NCOR2: variants seen among roughly 807,000 people sequenced by gnomAD.
NCOR2 encodes the protein CTG repeat protein 26.
A neutral mutation model predicts 262.9 loss-of-function variants in NCOR2; 81 were observed. The ratio of observed to expected loss-of-function variants is 0.31; its 90% confidence interval spans 0.26 to 0.37. NCOR2 has a LOEUF of 0.37. Among genes scored for constraint, NCOR2 ranks in the 10% least tolerant of loss-of-function variants. The pLI is 1.00. For missense variants in NCOR2, 3,385 were observed against 3,621.4 expected, an observed-to-expected ratio of 0.93 and a Z score of 1.68; for synonymous variants, 1,659 against 1,559.3, an observed-to-expected ratio of 1.06 and a Z score of -1.51.
chr12:124,335,403 G>C (rs1392657005), intron 39 of NCOR2, 80 bp downstream of exon 41: 2 of 1,531,268 alleles, frequency 1.3e-6, no homozygotes, highest in African/African-American at 2.7e-5. Flanking sequence ...AGGCACCTCT[G>C]TTTTCCTATC....
chr12:124,351,680 T>A (rs1278897965), intron 27 of NCOR2, among the ~76,000 whole-genome samples: 1 of 152,176 alleles, frequency 6.6e-6, no homozygotes, highest in Admixed American at 6.5e-5. Context: ...GGAAGCAGAA[T>A]GTTGGGTGTC....
chr12:124,422,838 G>A (rs2043298781), intron 11 of NCOR2, among the ~76,000 whole-genome samples: 1 of 152,238 alleles, frequency 6.6e-6, no homozygotes, highest in Admixed American at 6.5e-5. Context: ...CAGGAAAAAT[G>A]AGGACACGAC....
At chr12:124,382,528 G>A (rs1451589021) in intron 17 of NCOR2, among the ~76,000 whole-genome samples, 1 of 152,200 alleles carries the variant, frequency 6.6e-6, no homozygotes, top group East Asian at 1.9e-4. Context: ...AGCTTTGACT[G>A]TGTCATTCGG....
chr12:124,534,163 A>G (rs576072202), intron 1 of NCOR2, among the ~76,000 whole-genome samples: 176 of 152,280 alleles, frequency 1.2e-3, no homozygotes, highest in African/African-American at 4.1e-3. Flanking sequence ...GGAACAGTAC[A>G]AATGTGGTAT....
exon 47 of NCOR2, chr12:124,324,554 G>A (rs1259736042): frequency 2.0e-5 from 3 of 152,316 alleles, no homozygotes; most frequent in African/African-American, 7.2e-5. Context: ...AGCGGGGCGT[G>A]AGCCAGCAGT....
At chr12:124,327,660 C>CA (rs1345405583) in intron 44 of NCOR2, 27 bp from the exon 47 acceptor site, 2 of 1,562,826 alleles carry the variant, frequency 1.3e-6, no homozygotes, top group Non-Finnish European at 1.7e-6. Flanking sequence ...GACAGACAGA[C>CA]AGACACATGG....
chr12:124,462,072 A>T (rs921839887), intron 5 of NCOR2, among the ~76,000 whole-genome samples: 1 of 152,068 alleles, frequency 6.6e-6, no homozygotes, highest in Admixed American at 6.5e-5. Flanking sequence ...GCTGACTCTT[A>T]CTCTAAGTAT....
At chr12:124,342,842 A>G (rs1049851876) in intron 33 of NCOR2, among the ~76,000 whole-genome samples, 163 bp downstream of exon 35, 7 of 152,150 alleles carry the variant, frequency 4.6e-5, no homozygotes, top group Non-Finnish European at 1.0e-4. Flanking sequence ...GCTCCAACCT[A>G]AGCTCATGAT....
intron 16 of NCOR2, chr12:124,388,536 GGGAAAGGAT>G: frequency 1.3e-6 from 1 of 787,526 alleles, no homozygotes; most frequent in Non-Finnish European, 1.8e-6. Context: ...GAGGGCATGG[GGGAAAGGAT>G]GGGCTGGGAC....
intron 3 of NCOR2, among the ~76,000 whole-genome samples, chr12:124,479,300 G>A (rs1045957176): frequency 4.0e-5 from 6 of 151,016 alleles, no homozygotes; most frequent in East Asian, 2.0e-4. Context: ...GCACACTCAC[G>A]CACATGCACG....
intron 34 of NCOR2, among the ~76,000 whole-genome samples, chr12:124,341,231 T>C (rs1293887164): frequency 6.6e-6 from 1 of 151,094 alleles, no homozygotes; most frequent in Non-Finnish European, 1.5e-5. Flanking sequence ...CCAAACAGCC[T>C]CACATTTTCA....
rs186451015 is a variant in NCOR2, at chr12:124,402,201, G to T, written c.1640+203C>A. Reference sequence around the variant, plus strand: ...GAAAGAAAGCGAGGGCGGAGGAGAGGGGGGAGCCAGGGAGGAGGAGTAGGG... The same window carrying T: ...GAAAGAAAGCGAGGGCGGAGGAGAGTGGGGAGCCAGGGAGGAGGAGTAGGG... On this transcript the variant is annotated intron_variant, in intron 14 of 46. Coordinates refer to ENST00000405201, the Ensembl canonical transcript of NCOR2. Among the ~76,000 whole-genome samples the T allele has an allele frequency of 1.9e-3, 296 of 152,274 alleles. 1 individual carries two copies. The highest frequency in any genetic ancestry group is 3.5e-3 in the Non-Finnish European group (235 of 68,010).
intron 41 of NCOR2, among the ~76,000 whole-genome samples, chr12:124,333,989 CATGT>C (rs759696031): frequency 6.6e-6 from 1 of 151,144 alleles, no homozygotes; most frequent in African/African-American, 2.4e-5. Context: ...TGCGGGTGTG[CATGT>C]GTGTGTGTGC....
intron 6 of NCOR2, among the ~76,000 whole-genome samples, chr12:124,456,298 C>T (rs57154664): frequency 0.017 from 2,640 of 152,324 alleles, 73 homozygotes; most frequent in African/African-American, 0.06. Flanking sequence ...GTGCCCACCA[C>T]GGCCATCCAT....
intron 42 of NCOR2, 95 bp from the exon 45 acceptor site, chr12:124,332,562 T>C (rs2035290870): frequency 6.5e-7 from 1 of 1,549,996 alleles, no homozygotes; most frequent in Non-Finnish European, 8.9e-7. Flanking sequence ...CCTTAGACAT[T>C]TGGAAGCAAG....
upstream of NCOR2, among the ~76,000 whole-genome samples, chr12:124,537,595 T>C (rs985154927): frequency 2.6e-5 from 4 of 152,260 alleles, no homozygotes; most frequent in Non-Finnish European, 4.4e-5. Context: ...CACAGGAATG[T>C]TGTGAGTGTA....
At chr12:124,359,433 C>T (rs966239581) in intron 22 of NCOR2, among the ~76,000 whole-genome samples, 1 of 152,214 alleles carries the variant, frequency 6.6e-6, no homozygotes, top group African/African-American at 2.4e-5. Context: ...ACCAAATTGC[C>T]CCCAATTCTC....
intron 18 of NCOR2, among the ~76,000 whole-genome samples, chr12:124,376,145 G>T (rs963061953): frequency 6.6e-6 from 1 of 152,178 alleles, no homozygotes; most frequent in South Asian, 2.1e-4. Flanking sequence ...CTTAATCAGG[G>T]CCTCTCACCT....
At chr12:124,431,604 C>CACAT in intron 8 of NCOR2, among the ~76,000 whole-genome samples, 1 of 151,162 alleles carries the variant, frequency 6.6e-6, no homozygotes, top group South Asian at 2.1e-4. Flanking sequence ...TGCACAGGCA[C>CACAT]ACATACATAC....
Sources: gnomAD v4.1 joint callset for allele counts (sites outside exome capture counted in the v4.1 genomes callset) on GRCh38, gnomAD v4.1.1 for gene constraint, MANE v1.5 for transcripts, NCBI Gene and HGNC (gene_info 2026-07-23, HGNC 2026-07-21) for gene names.